ZNF286A: variants seen among roughly 807,000 people sequenced by gnomAD.
ZNF286A encodes zinc finger protein 286A.
In ZNF286A, 34 loss-of-function variants were observed where a neutral mutation model predicts 49.3. The ratio of observed to expected loss-of-function variants is 0.69; its 90% CI spans 0.52 to 0.92. The LOEUF is 0.92. Ranked by LOEUF, ZNF286A falls within the 40% of genes least tolerant of loss-of-function variation. ZNF286A has a pLI of 0.00. For missense variants in ZNF286A, 462 were observed against 600.2 expected, an observed-to-expected ratio of 0.77 and a Z score of 2.41; for synonymous variants, 155 against 200.4, an observed-to-expected ratio of 0.77 and a Z score of 1.91.
rs1329419518 is a variant in ZNF286A, at chr17:15,719,565, G to GA, written c.*2277dup. Reference sequence around the variant, plus strand: ...CCTTTCACTGTGTCTTCACATGGTAGAAGGGGAGAGCTCTGGTATCTTCAG... The same window carrying GA: ...CCTTTCACTGTGTCTTCACATGGTAGAAAGGGGAGAGCTCTGGTATCTTCAG... On this transcript the variant is annotated 3_prime_UTR_variant, in exon 6 of 6. Transcript: ENST00000583566. 1 of 152,014 alleles carries GA rather than the reference G, an allele frequency of 6.6e-6. No homozygotes were observed. The highest frequency in any genetic ancestry group is 6.6e-5 in the Admixed American group (1 of 15,260). The allele number at this position is 152,014 out of a possible 1,614,324, so 9.4% of individuals were successfully genotyped here.
intron 5 of ZNF286A, among the ~76,000 whole-genome samples, chr17:15,711,976 A>G (rs1990697546): frequency 7.0e-6 from 1 of 142,002 alleles, no homozygotes; most frequent in African/African-American, 2.6e-5. Context: ...GGTTCACGCC[A>G]TTCTCCTGCC....
In ZNF286A at chr17:15,715,909, T is replaced by G; in HGVS notation, c.335-150T>G. On this transcript the variant is annotated intron_variant, in intron 5 of 5. Transcript: ENST00000583566. ...AGTCTGAGCATTTGTTTCCCTCCAT[T>G]TGTTTCTCTTTGCAAATCATCTGAA... 4.0e-6 allele frequency: 6 copies of G among 1,503,214 alleles called. No homozygotes were observed. The South Asian group carries it at 6.7e-5, about 17-fold the overall frequency. 93.1% of individuals were successfully genotyped at this position (1,503,214 alleles called of 1,614,324 possible).
Position 15,701,235 on chromosome 17 carries a change from T to A in ZNF286A, c.121T>A (p.Ser41Thr). The A allele has an allele frequency of 3.1e-6, 5 of 1,614,036 alleles. No homozygotes were observed. The highest frequency in any genetic ancestry group is 4.2e-6 in the Non-Finnish European group (5 of 1,180,000). Reference sequence around the variant, plus strand: ...GGCTGCTCTGCGCCTCACGGCCAGATCCCAGGTGAGTGAGTGCTGATTATT... The same window carrying A: ...GGCTGCTCTGCGCCTCACGGCCAGAACCCAGGTGAGTGAGTGCTGATTATT... The part of the protein sequence containing the change: ...EVAALRLTAR[S>T]QETVTFKDVA... Residue 41 changes from serine to threonine, a missense_variant, in exon 3 of 6, where the codon TCC becomes ACC. Physicochemically the swap from Ser to Thr is moderately conservative, Grantham distance 58 (BLOSUM62 1). Transcript: ENST00000583566.
chr17:15,708,262 TG>T lies in ZNF286A; in HGVS notation c.334+18del. ...CAGCTATTCAGGTGAGCCAGATAGA[TG>T]GGAGTCTTCATAAATGATAGCCCAG... is the stretch of plus-strand genomic sequence containing the variant. On this transcript the variant is annotated intron_variant, in intron 5 of 5. Coordinates refer to ENST00000583566, the MANE Select transcript of ZNF286A (RefSeq NM_001130842.2). 6.4e-7 allele frequency: 1 copy of T among 1,560,376 alleles called. No individual in the cohort carries two copies. The highest frequency in any genetic ancestry group is 8.7e-7 in the Non-Finnish European group (1 of 1,153,844).
chr17:15,702,839 GCTA>G (rs1345100737), intron 3 of ZNF286A, among the ~76,000 whole-genome samples: 4 of 152,322 alleles, frequency 2.6e-5, no homozygotes, highest in African/African-American at 9.6e-5. Flanking sequence ...TCTAGGTCTG[GCTA>G]CATATAGGGC....
intron 3 of ZNF286A, among the ~76,000 whole-genome samples, chr17:15,702,510 CAAA>C (rs36114462): frequency 2.0e-5 from 2 of 101,848 alleles, no homozygotes; most frequent in African/African-American, 3.2e-5. Flanking sequence ...GAAACTGTCT[CAAA>C]AAAAAAAAAA....
At position 15,720,453 on chromosome 17, in the gene ZNF286A, G is replaced by A. The variant is rs2151490730; in HGVS notation, c.*3163G>A. ...TCTGCTCTTGCTTCCATCTGGTGCT[G>A]TTTTCTGCACAGCCTCCTTGAGACC... On this transcript the variant is annotated 3_prime_UTR_variant, in exon 6 of 6. Coordinates refer to ENST00000583566, the MANE Select transcript of ZNF286A (RefSeq NM_001130842.2). 1 of 145,844 alleles carries A rather than the reference G, an allele frequency of 6.9e-6. No homozygotes were observed. Among genetic ancestry groups the A allele is most frequent in the Non-Finnish European group, 1.5e-5 (1 of 66,872 alleles). The allele number at this position is 145,844 out of a possible 1,614,324, so 9.0% of individuals were successfully genotyped here.
chr17:15,702,383 T>C (rs2601951), intron 3 of ZNF286A, among the ~76,000 whole-genome samples: 86,948 of 151,374 alleles, frequency 0.57, 25,091 homozygotes, highest in East Asian at 0.65. Context: ...GGCTTGGTGG[T>C]GCGCACTTGT....
intron 5 of ZNF286A, among the ~76,000 whole-genome samples, chr17:15,714,703 A>C (rs1322600829): frequency 6.6e-6 from 1 of 152,144 alleles, no homozygotes; most frequent in African/African-American, 2.4e-5. Context: ...TGTTAGATTA[A>C]ATTTTCTCTT....
Position 15,719,513 on chromosome 17 carries a change from G to A in ZNF286A, c.*2223G>A, listed in dbSNP as rs1967266148. On this transcript the variant is annotated 3_prime_UTR_variant, in exon 6 of 6. Coordinates refer to ENST00000583566, the MANE Select transcript of ZNF286A (RefSeq NM_001130842.2). ...GTCAACATATTTAGGGTCTAGGGAA[G>A]GTCTGCTTCTTGGTTAATAGAAAGC... 6.6e-6 allele frequency: 1 copy of A among 151,396 alleles called. No homozygotes were observed. Among genetic ancestry groups the A allele is most frequent in the Non-Finnish European group, 1.5e-5 (1 of 67,916 alleles). The allele number at this position is 151,396 out of a possible 1,614,324, so 9.4% of individuals were successfully genotyped here.
At chr17:15,711,258 C>T (rs1485288476) in intron 5 of ZNF286A, 2 of 151,980 alleles carry the variant, frequency 1.3e-5, no homozygotes, top group Admixed American at 6.6e-5. Flanking sequence ...CTTTTCAGTG[C>T]TGCTTAAAAT....
In ZNF286A at chr17:15,707,895, A is replaced by C. The variant is rs1163917200; in HGVS notation, c.242-260A>C. Among the ~76,000 whole-genome samples, 3 of 152,192 alleles carry C rather than the reference A, an allele frequency of 2.0e-5. No homozygotes were observed. In the East Asian group the frequency reaches 5.8e-4, roughly 29 times the overall value. On this transcript the variant is annotated intron_variant, in intron 4 of 5. Transcript: ENST00000583566. ...GTTGGTCGTGGTGGCTCACACCTGTAATCCCAGCACTTAGGGAGGCAGAGG... is the reference window on the plus strand; with the variant it reads ...GTTGGTCGTGGTGGCTCACACCTGTCATCCCAGCACTTAGGGAGGCAGAGG...
intron 5 of ZNF286A, chr17:15,709,966 A>T (rs1990533746): frequency 6.8e-7 from 1 of 1,480,492 alleles, no homozygotes; most frequent in African/African-American, 1.4e-5. Context: ...AGACTTGTTA[A>T]TTTTTGTCAA....
At chr17:15,713,510 T>G (rs763614001) in intron 5 of ZNF286A, among the ~76,000 whole-genome samples, 1 of 152,158 alleles carries the variant, frequency 6.6e-6, no homozygotes, top group Non-Finnish European at 1.5e-5. Context: ...TATTTTATAG[T>G]CTTTTCAGGT....
chr17:15,707,244 T>A (rs1180836178), intron 4 of ZNF286A, among the ~76,000 whole-genome samples: 1 of 151,706 alleles, frequency 6.6e-6, no homozygotes, highest in African/African-American at 2.4e-5. Context: ...ATCGAGACCA[T>A]CCTGGCTAAC....
At position 15,711,865 on chromosome 17, in the gene ZNF286A, C is replaced by A. The variant is rs953502073; in HGVS notation, c.334+3618C>A. Among the ~76,000 whole-genome samples, 69 of 101,974 alleles carry A rather than the reference C, an allele frequency of 6.8e-4. 2 individuals are homozygous for A. Among genetic ancestry groups the A allele is most frequent in the Admixed American group, 4.7e-3 (49 of 10,328 alleles). The allele number at this position is 101,974 out of a possible 152,430, so 66.9% of individuals were successfully genotyped here. On this transcript the variant is annotated intron_variant, in intron 5 of 5. Coordinates refer to ENST00000583566, the MANE Select transcript of ZNF286A (RefSeq NM_001130842.2). ...TTTGCATTTATCTGTAATCTGCCCC[C>A]CCCCCGGCTTTTTTTTTTTTTTTTG...
At chr17:15,712,029 A>G (rs1415294692) in intron 5 of ZNF286A, among the ~76,000 whole-genome samples, 75 of 151,720 alleles carry the variant, frequency 4.9e-4, no homozygotes, top group African/African-American at 1.7e-3. Context: ...CCGCCACCAC[A>G]CCCGGCTAAT....
Position 15,709,823 on chromosome 17 carries a change from A to G in ZNF286A, c.334+1576A>G, listed in dbSNP as rs112450651. The stretch of plus-strand genomic sequence containing the variant: ...TTATTTTTTTTCTGTTAGCAGTTGC[A>G]GTGATCATCCTTTTTTTGATTCCTT... On this transcript the variant is annotated intron_variant, in intron 5 of 5. Transcript: ENST00000583566. The G allele has an allele frequency of 8.1e-4, 1,251 of 1,547,242 alleles. 4 individuals carry two copies. The African/African-American group carries it at 0.011, about 14-fold the overall frequency.
At chr17:15,708,036 A>C in intron 4 of ZNF286A, 119 bp from the exon 5 acceptor site, 1 of 540,578 alleles carries the variant, frequency 1.8e-6, no homozygotes, top group East Asian at 3.5e-5. Context: ...AAAAAAAGAA[A>C]GAAAGTTGGA....
Sources: gnomAD v4.1 joint callset for allele counts (sites outside exome capture counted in the v4.1 genomes callset) on GRCh38, gnomAD v4.1.1 for gene constraint, MANE v1.5 for transcripts, NCBI Gene and HGNC (gene_info 2026-07-23, HGNC 2026-07-21) for gene names.